BMPER: variants seen among roughly 807,000 people sequenced by gnomAD.
BMPER encodes BMP binding endothelial regulator.
BMPER carries 45 observed loss-of-function variants against 87.3 expected under a neutral mutation model. The observed-to-expected ratio is 0.52, with a 90% CI of 0.41 to 0.66. The LOEUF (loss-of-function observed/expected upper bound fraction) is 0.66, where lower values mean the gene tolerates loss of function less well. Among genes scored for constraint, BMPER ranks in the 30% least tolerant of loss-of-function variants. The probability of loss-of-function intolerance (pLI) is 0.00; values close to 1 mark genes in which losing one functional copy is unlikely to be tolerated. For missense variants in BMPER, 784 were observed against 867.5 expected, an observed-to-expected ratio of 0.90 and a Z score of 1.21; for synonymous variants, 326 against 316.2, an observed-to-expected ratio of 1.03 and a Z score of -0.33.
At chr7:34,052,607 GA>G (rs1788175878) in intron 8 of BMPER, among the ~76,000 whole-genome samples, 1 of 152,164 alleles carries the variant, frequency 6.6e-6, no homozygotes, top group African/African-American at 2.4e-5. Context: ...AGGACTTTAG[GA>G]TTATTCATTA....
intron 13 of BMPER, among the ~76,000 whole-genome samples, chr7:34,132,328 C>T (rs1790613765): frequency 6.6e-6 from 1 of 151,964 alleles, no homozygotes; most frequent in Non-Finnish European, 1.5e-5. Context: ...CCAGTTCTGC[C>T]CTGCTCTCCC....
chr7:34,129,245 G>A (rs1276328259), intron 13 of BMPER, among the ~76,000 whole-genome samples: 1 of 152,054 alleles, frequency 6.6e-6, no homozygotes, highest in Non-Finnish European at 1.5e-5. Flanking sequence ...GCTCATGCCT[G>A]TAATCTCAAC....
chr7:34,043,112 C>G (rs1202272759), intron 6 of BMPER: 1 of 152,248 alleles, frequency 6.6e-6, no homozygotes, highest in Non-Finnish European at 1.5e-5. Context: ...CATAAACTCT[C>G]TCTTTATGCT....
chr7:34,094,351 G>A lies in BMPER; in HGVS notation c.1745+8259G>A, dbSNP rs189451213. 3.3e-5 allele frequency among the ~76,000 whole-genome samples: 5 copies of A among 152,330 alleles called. No homozygotes were observed. The East Asian group carries it at 9.7e-4, about 29-fold the overall frequency. On this transcript the variant is annotated intron_variant, in intron 13 of 14. Coordinates refer to ENST00000649409, the MANE Select transcript of BMPER (RefSeq NM_001365308.1). ...TCCTGACTGCAAGAAGAGTAATGGT[G>A]GGAATAGGGTAGTGTGATGGGGTGG...
chr7:34,075,877 G>A (rs190597222), intron 11 of BMPER, among the ~76,000 whole-genome samples: 7 of 152,270 alleles, frequency 4.6e-5, no homozygotes, highest in East Asian at 3.9e-4. Flanking sequence ...AGTTCACTGC[G>A]CCTGCAGGAT....
chr7:34,155,735 A>T lies in BMPER; in HGVS notation c.*2462A>T, dbSNP rs1361350779. The stretch of plus-strand genomic sequence containing the variant: ...AGCTGAGCAATGGCTTAGTCTAATG[A>T]TTGGGCACAATGAGGATTTACCAAG... On this transcript the variant is annotated 3_prime_UTR_variant, in exon 15 of 15. Transcript: ENST00000649409. 1 of 152,198 alleles carries T rather than the reference A, an allele frequency of 6.6e-6. No homozygotes were observed. The highest frequency in any genetic ancestry group is 1.9e-4 in the East Asian group (1 of 5,182). 9.4% of individuals were successfully genotyped at this position (152,198 alleles called of 1,614,324 possible).
At chr7:34,146,930 C>T (rs750014365) in intron 14 of BMPER, among the ~76,000 whole-genome samples, 8 of 152,178 alleles carry the variant, frequency 5.3e-5, no homozygotes, top group Non-Finnish European at 7.3e-5. Flanking sequence ...GGTTGTTACT[C>T]GGTACCTTCT....
chr7:34,050,497 C>T (rs1788121583), intron 7 of BMPER, among the ~76,000 whole-genome samples: 1 of 152,126 alleles, frequency 6.6e-6, no homozygotes, highest in Non-Finnish European at 1.5e-5. Context: ...AGGAAGACAG[C>T]ATGTTTTTCT....
chr7:34,138,248 C>T (rs547846602), intron 13 of BMPER, among the ~76,000 whole-genome samples: 1 of 152,272 alleles, frequency 6.6e-6, no homozygotes, highest in South Asian at 2.1e-4. Context: ...CTGAAGGCTT[C>T]TCTGCAGATG....
In BMPER at chr7:34,153,107, A is replaced by G. The variant is rs771742545; in HGVS notation, c.1892A>G (p.His631Arg). 42 of 1,613,922 alleles carry G rather than the reference A, an allele frequency of 2.6e-5. No homozygotes were observed. Among genetic ancestry groups the G allele is most frequent in the Non-Finnish European group, 1.0e-5 (12 of 1,179,930 alleles). ...QQNCAATQCK[H>R]GAVYDTCGPG... ...TCTTTTTCAGCCACCCAGTGTAAGC[A>G]TGGTGCTGTGTACGATACCTGTGGT... The change falls in exon 15 of 15, where the codon CAT becomes CGT. Residue 631 changes from histidine to arginine, a missense_variant. Transcript: ENST00000649409.
At position 33,945,026 on chromosome 7, in the gene BMPER, C is replaced by G. The variant is rs967742769; in HGVS notation, c.319+7638C>G. Among the ~76,000 whole-genome samples the G allele has an allele frequency of 6.7e-5, 10 of 149,618 alleles. No homozygotes were observed. The East Asian group carries it at 2.0e-3, about 30-fold the overall frequency. ...GCACGATCTTGGCTCACTGCAAGCTCCACCTCCTGGGTTCACACCATTCTC... is the reference window on the plus strand; with the variant it reads ...GCACGATCTTGGCTCACTGCAAGCTGCACCTCCTGGGTTCACACCATTCTC... On this transcript the variant is annotated intron_variant, in intron 3 of 14. Coordinates refer to ENST00000649409, the MANE Select transcript of BMPER (RefSeq NM_001365308.1).
chr7:34,097,459 G>A (rs572612052), intron 13 of BMPER, among the ~76,000 whole-genome samples: 2 of 152,320 alleles, frequency 1.3e-5, no homozygotes, highest in South Asian at 4.1e-4. Context: ...ATACTGAGCA[G>A]GGGTTTAGTA....
At chr7:33,926,020 A>C (rs1562634112) in intron 2 of BMPER, among the ~76,000 whole-genome samples, 1 of 152,182 alleles carries the variant, frequency 6.6e-6, no homozygotes. Flanking sequence ...GGTAACCAGC[A>C]CTTCTTGCCC....
At chr7:33,990,259 T>C (rs1227049766) in intron 6 of BMPER, among the ~76,000 whole-genome samples, 1 of 134,508 alleles carries the variant, frequency 7.4e-6, no homozygotes, top group African/African-American at 2.9e-5. Flanking sequence ...CATGGAATGT[T>C]CTTCCATTTG....
chr7:34,020,833 A>G (rs764392265), intron 6 of BMPER, among the ~76,000 whole-genome samples: 2 of 151,264 alleles, frequency 1.3e-5, no homozygotes, highest in Non-Finnish European at 3.0e-5. Flanking sequence ...GGGTCTTTCA[A>G]TGAGATTTAA....
intron 6 of BMPER, among the ~76,000 whole-genome samples, chr7:33,988,344 T>C (rs1786074808): frequency 6.6e-6 from 1 of 152,148 alleles, no homozygotes; most frequent in Non-Finnish European, 1.5e-5. Context: ...ATTTTGTTAT[T>C]AGGTTTTCAG....
intron 6 of BMPER, among the ~76,000 whole-genome samples, chr7:34,033,748 A>G (rs570358851): frequency 2.6e-5 from 4 of 152,344 alleles, no homozygotes; most frequent in South Asian, 4.1e-4. Flanking sequence ...TAGATTGGGC[A>G]TTCCTGGATT....
intron 2 of BMPER, among the ~76,000 whole-genome samples, chr7:33,910,449 C>A (rs1262797381): frequency 6.6e-6 from 1 of 152,202 alleles, no homozygotes; most frequent in Non-Finnish European, 1.5e-5. Context: ...AAGTGTGGTG[C>A]TTGATCTTCT....
intron 13 of BMPER, among the ~76,000 whole-genome samples, chr7:34,118,270 A>C: frequency 6.6e-6 from 1 of 152,212 alleles, no homozygotes; most frequent in East Asian, 1.9e-4. Context: ...ACACCACTGC[A>C]CTCCAGCCTG....
Sources: gnomAD v4.1 joint callset for allele counts (sites outside exome capture counted in the v4.1 genomes callset) on GRCh38, gnomAD v4.1.1 for gene constraint, MANE v1.5 for transcripts, NCBI Gene and HGNC (gene_info 2026-07-23, HGNC 2026-07-21) for gene names.